COLEC10: variants seen among roughly 807,000 people sequenced by gnomAD.
COLEC10 encodes the protein collectin subfamily member 10.
In COLEC10, 22 loss-of-function variants were observed where a neutral mutation model predicts 28.4. The observed-to-expected ratio is 0.78, with a 90% CI of 0.55 to 1.11. The LOEUF is 1.11. COLEC10 is among the 50% of genes least tolerant of loss of function. The pLI is 0.00. For missense variants in COLEC10, 361 were observed against 344.1 expected, an observed-to-expected ratio of 1.05 and a Z score of -0.39; for synonymous variants, 125 against 116.1, an observed-to-expected ratio of 1.08 and a Z score of -0.49.
At chr8:119,052,792 AAG>A (rs1339854092) in intron 2 of COLEC10, among the ~76,000 whole-genome samples, 4 of 152,162 alleles carry the variant, frequency 2.6e-5, no homozygotes, top group African/African-American at 9.7e-5. Flanking sequence ...CTTAAGGAAA[AAG>A]TATTTTATTT....
intron 2 of COLEC10, among the ~76,000 whole-genome samples, chr8:119,018,182 G>T (rs1462049005): frequency 6.6e-6 from 1 of 152,164 alleles, no homozygotes; most frequent in Non-Finnish European, 1.5e-5. Flanking sequence ...ATCTTAGTGG[G>T]AGACCTTTAC....
At chr8:119,066,007 C>T (rs932503325), upstream of COLEC10, among the ~76,000 whole-genome samples, 7 of 152,200 alleles carry the variant, frequency 4.6e-5, no homozygotes, top group South Asian at 2.1e-4. Flanking sequence ...TTTAGCCACC[C>T]GGCCGCTGGT....
rs942883134 is a variant in COLEC10 at position 119,105,855 on chromosome 8, G to C, written c.498G>C (p.Glu166Asp). 1.2e-6 allele frequency: 2 copies of C among 1,613,560 alleles called. No individual in the cohort carries two copies. Among genetic ancestry groups the C allele is most frequent in the African/African-American group, 1.3e-5 (1 of 74,882 alleles). ...AATTCTACTACATCGTGCAGGAAGA[G>C]AAGAACTACAGGGAATCCCTAACCC... ...EEKFYYIVQEEKNYRESLTHC... is the reference protein window; with the variant it reads ...EEKFYYIVQEDKNYRESLTHC... The change falls in exon 6 of 6, where the codon GAG becomes GAC. Residue 166 changes from glutamate (E) to aspartate (D), a missense_variant. Coordinates refer to ENST00000332843, the MANE Select transcript of COLEC10 (RefSeq NM_006438.5).
At chr8:119,070,702 A>C (rs13259300) in intron 1 of COLEC10, among the ~76,000 whole-genome samples, 97,612 of 150,944 alleles carry the variant, frequency 0.65, 32,111 homozygotes, top group Middle Eastern at 0.76. Context: ...TGAAAATAAC[A>C]GCGATAAAAT....
At chr8:119,069,420 C>A (rs900419891) in intron 1 of COLEC10, among the ~76,000 whole-genome samples, 5 of 151,082 alleles carry the variant, frequency 3.3e-5, no homozygotes, top group East Asian at 3.9e-4. Flanking sequence ...CATAAAGAGA[C>A]CCCATCTCTA....
At chr8:119,047,326 CAACT>C (rs1814603169) in intron 2 of COLEC10, among the ~76,000 whole-genome samples, 1 of 152,150 alleles carries the variant, frequency 6.6e-6, no homozygotes, top group Admixed American at 6.5e-5. Context: ...GGACTCATTT[CAACT>C]GTGGAAGTTC....
At chr8:119,009,890 A>G (rs1384203425) in intron 2 of COLEC10, among the ~76,000 whole-genome samples, 2 of 150,692 alleles carry the variant, frequency 1.3e-5, no homozygotes, top group Admixed American at 6.6e-5. Context: ...TTTTTGGTTC[A>G]CAGCAAAATA....
chr8:119,062,567 C>A (rs1473782098), upstream of COLEC10, among the ~76,000 whole-genome samples: 3 of 151,888 alleles, frequency 2.0e-5, no homozygotes, highest in Non-Finnish European at 4.4e-5. Context: ...GCGACCTCCG[C>A]CCCCCGGGTT....
intron 2 of COLEC10, among the ~76,000 whole-genome samples, chr8:119,009,711 TG>T (rs1586995867): frequency 1.3e-5 from 2 of 150,952 alleles, no homozygotes; most frequent in East Asian, 3.9e-4. Context: ...TTTGGGAGAC[TG>T]GGTAAATCAC....
chr8:118,987,865 T>G, the COLEC10 span, among the ~76,000 whole-genome samples: 2 of 152,178 alleles, frequency 1.3e-5, no homozygotes, highest in African/African-American at 4.8e-5. Flanking sequence ...CTGATAAAAC[T>G]TTTTATAAAA....
the COLEC10 span, among the ~76,000 whole-genome samples, chr8:118,987,597 C>A: frequency 2.6e-5 from 4 of 152,042 alleles, no homozygotes; most frequent in Non-Finnish European, 5.9e-5. Context: ...TTACATACTC[C>A]TCATTAAAAA....
At chr8:119,038,230 C>T (rs912723341) in intron 2 of COLEC10, among the ~76,000 whole-genome samples, 21 of 152,210 alleles carry the variant, frequency 1.4e-4, no homozygotes, top group African/African-American at 5.1e-4. Flanking sequence ...AGCATGATAA[C>T]CTTGAGCATT....
chr8:118,980,898 G>T, the COLEC10 span, among the ~76,000 whole-genome samples: 2 of 151,758 alleles, frequency 1.3e-5, no homozygotes, highest in Admixed American at 6.6e-5. Context: ...TTTGCAGGGG[G>T]GTGGATTGTT....
At chr8:119,059,232 T>G (rs1814813086) in intron 2 of COLEC10, among the ~76,000 whole-genome samples, 1 of 150,658 alleles carries the variant, frequency 6.6e-6, no homozygotes, top group South Asian at 2.1e-4. Context: ...GTATAATTCA[T>G]CAATCTTTTA....
rs199764282 is a variant in COLEC10 at position 119,105,854 on chromosome 8, A to G, written c.497A>G (p.Glu166Gly). 3.7e-5 allele frequency: 60 copies of G among 1,613,568 alleles called. No homozygotes were observed. The highest frequency in any genetic ancestry group is 4.9e-5 in the Non-Finnish European group (58 of 1,179,796). Residue 166 changes from glutamate to glycine, a missense_variant, in exon 6 of 6, where the codon GAG (glutamate) becomes GGG (glycine). Glu to Gly is a moderately conservative substitution (Grantham distance 98). This residue lies in a region of COLEC10 where 335 missense variants were observed against 308.5 expected (regional missense o/e 1.09). Coordinates refer to ENST00000332843, the MANE Select transcript of COLEC10 (RefSeq NM_006438.5). ...EEKFYYIVQE[E>G]KNYRESLTHC... ...AAATTCTACTACATCGTGCAGGAAGAGAAGAACTACAGGGAATCCCTAACC... is the reference window on the plus strand; with the variant it reads ...AAATTCTACTACATCGTGCAGGAAGGGAAGAACTACAGGGAATCCCTAACC...
In COLEC10 at chr8:119,091,589, GAGAGAGAGAAAGAAAGAAAGAA is replaced by G. The variant is rs1355153108; in HGVS notation, c.292+373_292+394del. On this transcript the variant is annotated intron_variant, in intron 3 of 5. Coordinates refer to ENST00000332843, the MANE Select transcript of COLEC10 (RefSeq NM_006438.5). ...AAAGAAAGAAAGAGAGAGAGAGAGA[GAGAGAGAGAAAGAAAGAAAGAA>G]AGAAAGAAAGAAAGAAAGAAAGAAA... Among the ~76,000 whole-genome samples the G allele has an allele frequency of 1.3e-3, 120 of 89,728 alleles. 1 individual carries two copies. Among genetic ancestry groups the G allele is most frequent in the African/African-American group, 4.2e-3 (106 of 25,232 alleles). 58.9% of individuals were successfully genotyped at this position (89,728 alleles called of 152,430 possible).
chr8:119,077,293 A>G (rs1177886428), intron 1 of COLEC10, among the ~76,000 whole-genome samples: 4 of 139,978 alleles, frequency 2.9e-5, no homozygotes, highest in East Asian at 4.2e-4. Context: ...GGGAGACAAT[A>G]CCATGTTGGT....
chr8:119,002,614 T>C (rs1224419352), intron 1 of COLEC10, among the ~76,000 whole-genome samples: 1 of 152,158 alleles, frequency 6.6e-6, no homozygotes. Flanking sequence ...TTCTGAATGA[T>C]GGCATTTCAT....
intron 1 of COLEC10, among the ~76,000 whole-genome samples, chr8:119,001,518 T>C (rs1470208717): frequency 6.6e-6 from 1 of 152,164 alleles, no homozygotes; most frequent in East Asian, 1.9e-4. Flanking sequence ...AGCACCATGA[T>C]GCAACTTTGT....
Sources: allele counts gnomAD v4.1 joint callset (sites outside exome capture counted in the v4.1 genomes callset), GRCh38; gene constraint gnomAD v4.1.1; regional missense constraint gnomAD v4.1.1; transcripts MANE v1.5; gene names NCBI Gene and HGNC (gene_info 2026-07-23, HGNC 2026-07-21).